The following RALGAPA1 variants were observed in gnomAD, a reference collection of about 807,000 sequenced individuals.
RALGAPA1 encodes Ral GTPase activating protein catalytic subunit alpha 1.
Under a neutral mutation model 269.6 loss-of-function variants are expected in RALGAPA1, and 52 were observed. That is an observed-to-expected ratio of 0.19 (90% CI 0.15 to 0.24). RALGAPA1 has a LOEUF of 0.24. Ranked by LOEUF, RALGAPA1 falls within the 10% of genes least tolerant of loss-of-function variation. RALGAPA1 has a pLI of 1.00. For missense variants in RALGAPA1, 1,917 were observed against 3,013.9 expected (o/e 0.64, Z 8.52); for synonymous variants, 817 against 1,008.3 (o/e 0.81, Z 3.60).
chr14:35,634,298 A>C (rs1281081403), intron 33 of RALGAPA1, among the ~76,000 whole-genome samples: 2 of 152,180 alleles, frequency 1.3e-5, no homozygotes, highest in Non-Finnish European at 2.9e-5. Flanking sequence ...AAATATTCCA[A>C]AAGGTGAAAA....
intron 1 of RALGAPA1, among the ~76,000 whole-genome samples, chr14:35,797,882 CT>C (rs1417128481): frequency 7.2e-6 from 1 of 138,780 alleles, no homozygotes; most frequent in African/African-American, 2.7e-5. Context: ...CTTTTTTTTT[CT>C]TTTTTTGGAG....
chr14:35,632,193 A>G (rs1230887364), intron 33 of RALGAPA1, among the ~76,000 whole-genome samples: 4 of 152,200 alleles, frequency 2.6e-5, no homozygotes, highest in African/African-American at 9.7e-5. Flanking sequence ...TGAGCTATAA[A>G]CTATAGAACA....
At chr14:35,757,457 T>C (rs2073289369) in intron 6 of RALGAPA1, among the ~76,000 whole-genome samples, 1 of 152,070 alleles carries the variant, frequency 6.6e-6, no homozygotes, top group Non-Finnish European at 1.5e-5. Flanking sequence ...GAACCCTTGA[T>C]TGAGAGAATG....
chr14:35,733,432 G>A (rs574425447), intron 12 of RALGAPA1, among the ~76,000 whole-genome samples: 4 of 152,108 alleles, frequency 2.6e-5, no homozygotes, highest in South Asian at 2.1e-4. Context: ...AGTTGAGATC[G>A]CACCACTGCA....
intron 1 of RALGAPA1, among the ~76,000 whole-genome samples, chr14:35,780,689 C>A (rs577948280): frequency 6.6e-6 from 1 of 152,118 alleles, no homozygotes; most frequent in South Asian, 2.1e-4. Context: ...TACAACATAC[C>A]AAAACTTATG....
At chr14:35,595,819 A>G (rs1566778389) in intron 36 of RALGAPA1, 30 bp from the exon 37 acceptor site, 3 of 1,587,938 alleles carry the variant, frequency 1.9e-6, no homozygotes, top group Admixed American at 3.5e-5. Context: ...ACATAAATTA[A>G]TTAAACAAAA....
chr14:35,572,513 T>C (rs761845843), intron 38 of RALGAPA1, 47 bp downstream of exon 38: 29 of 1,502,420 alleles, frequency 1.9e-5, no homozygotes, highest in Non-Finnish European at 2.4e-5. Flanking sequence ...CATGAACCCC[T>C]ATAGAACCAA....
rs2077566023 is a variant in RALGAPA1 at position 35,809,003 on chromosome 14, C to T, written c.-168G>A. 9.8e-6 allele frequency: 13 copies of T among 1,330,282 alleles called. No individual in the cohort carries two copies. The highest frequency in any genetic ancestry group is 1.2e-5 in the Non-Finnish European group (12 of 1,007,436). The allele number at this position is 1,330,282 out of a possible 1,614,324, so 82.4% of individuals were successfully genotyped here. ...ACTCCTTCCCGATCCAGGCCAGGGC[C>T]GCCACCTCCACCCGCCTCGCGCCGC... On this transcript the variant is annotated 5_prime_UTR_variant, in exon 1 of 42. Coordinates refer to ENST00000680220, the MANE Select transcript of RALGAPA1 (RefSeq NM_001346249.2).
chr14:35,576,151 T>C (rs1166013845), intron 37 of RALGAPA1, among the ~76,000 whole-genome samples: 1 of 152,218 alleles, frequency 6.6e-6, no homozygotes, highest in Non-Finnish European at 1.5e-5. Context: ...TTTACTAATA[T>C]TTCTATTAAA....
At chr14:35,579,562 C>T (rs559956908) in intron 37 of RALGAPA1, among the ~76,000 whole-genome samples, 11 of 147,788 alleles carry the variant, frequency 7.4e-5, no homozygotes, top group African/African-American at 2.0e-4. Flanking sequence ...GAAAAGAGAT[C>T]GCGCCATTGC....
chr14:35,708,582 C>T (rs2068016828), intron 16 of RALGAPA1, among the ~76,000 whole-genome samples: 1 of 151,928 alleles, frequency 6.6e-6, no homozygotes, highest in South Asian at 2.1e-4. Context: ...GGCTTTTATC[C>T]AAAAGACAGG....
chr14:35,752,812 C>T (rs989307569), intron 7 of RALGAPA1, among the ~76,000 whole-genome samples: 3 of 151,954 alleles, frequency 2.0e-5, no homozygotes, highest in Admixed American at 6.6e-5. Flanking sequence ...ATGGTGGCAA[C>T]GGGAGATTGA....
intron 11 of RALGAPA1, among the ~76,000 whole-genome samples, chr14:35,742,102 T>C (rs895949011): frequency 6.6e-6 from 1 of 152,216 alleles, no homozygotes; most frequent in Non-Finnish European, 1.5e-5. Context: ...TATACCTTTA[T>C]AACAGTACCT....
intron 39 of RALGAPA1, among the ~76,000 whole-genome samples, chr14:35,568,727 G>C (rs548610676): frequency 1.4e-4 from 21 of 152,288 alleles, no homozygotes; most frequent in African/African-American, 4.6e-4. Flanking sequence ...GGGTCTTCTT[G>C]AATAGTTCCT....
intron 8 of RALGAPA1, among the ~76,000 whole-genome samples, chr14:35,751,420 A>G (rs1758958993): frequency 6.6e-6 from 1 of 152,178 alleles, no homozygotes; most frequent in African/African-American, 2.4e-5. Context: ...TTTAATTTAC[A>G]ATCGCAAATA....
intron 31 of RALGAPA1, among the ~76,000 whole-genome samples, chr14:35,636,703 G>A (rs1566889344): frequency 6.6e-6 from 1 of 151,940 alleles, no homozygotes; most frequent in Non-Finnish European, 1.5e-5. Flanking sequence ...GTATTTTTAG[G>A]AGAGACGAGG....
chr14:35,753,804 G>A (rs566931457), intron 7 of RALGAPA1, among the ~76,000 whole-genome samples: 29 of 152,280 alleles, frequency 1.9e-4, no homozygotes, highest in African/African-American at 6.5e-4. Context: ...ACACTGAACT[G>A]TACGTTTTAA....
At chr14:35,549,290 CT>C (rs1229907962) in intron 39 of RALGAPA1, 56 bp from the exon 40 acceptor site, 21 of 1,558,386 alleles carry the variant, frequency 1.3e-5, no homozygotes, top group Middle Eastern at 3.4e-4. Flanking sequence ...GAAAAAAAAT[CT>C]TATCAAAAAG....
At chr14:35,547,822 T>A (rs1337307139) in intron 41 of RALGAPA1, among the ~76,000 whole-genome samples, 1 of 152,068 alleles carries the variant, frequency 6.6e-6, no homozygotes, top group Non-Finnish European at 1.5e-5. Flanking sequence ...CGATCTAAAT[T>A]TTTTGTAAAA....
Sources: gnomAD v4.1 joint callset for allele counts (sites outside exome capture counted in the v4.1 genomes callset) on GRCh38, gnomAD v4.1.1 for gene constraint, MANE v1.5 for transcripts, NCBI Gene and HGNC (gene_info 2026-07-23, HGNC 2026-07-21) for gene names.